Variants in TTLL5 observed in about 807,000 individuals in gnomAD.
TTLL5 encodes the protein tubulin polyglutamylase TTLL5.
In TTLL5, 132 loss-of-function variants were observed where a neutral mutation model predicts 168.4. That is an observed-to-expected ratio of 0.78 (90% CI 0.68 to 0.91). The LOEUF is 0.91. TTLL5 is among the 40% of genes least tolerant of loss of function. TTLL5 has a pLI of 0.00. For synonymous variants in TTLL5, 546 were observed against 558.6 expected (o/e 0.98, Z 0.32); for missense variants, 1,545 against 1,581.5 (o/e 0.98, Z 0.39).
chr14:75,936,044 G>A (rs1193268208), intron 31 of TTLL5, among the ~76,000 whole-genome samples: 1 of 152,068 alleles, frequency 6.6e-6, no homozygotes. Context: ...GAGTTTTCTG[G>A]TTCTCTCTCC....
At chr14:75,869,088 C>T (rs1352672359) in intron 29 of TTLL5, among the ~76,000 whole-genome samples, 3 of 144,270 alleles carry the variant, frequency 2.1e-5, no homozygotes, top group Admixed American at 7.1e-5. Context: ...ATATTGACTC[C>T]GGAACTTAAT....
At chr14:75,820,466 T>C (rs1288926843) in intron 28 of TTLL5, 1 of 234,888 alleles carries the variant, frequency 4.3e-6, no homozygotes, top group East Asian at 8.5e-5. Context: ...GCCAACTTTT[T>C]GCACTTTGTC....
chr14:75,940,120 C>T (rs2034554764), intron 31 of TTLL5, among the ~76,000 whole-genome samples: 1 of 145,524 alleles, frequency 6.9e-6, no homozygotes, highest in African/African-American at 2.6e-5. Context: ...CTCACTCTTG[C>T]CCAGGCTGGA....
intron 6 of TTLL5, among the ~76,000 whole-genome samples, chr14:75,698,883 C>T (rs938665612): frequency 6.0e-5 from 9 of 149,472 alleles, no homozygotes; most frequent in Non-Finnish European, 1.3e-4. Flanking sequence ...CCAGCCTGGT[C>T]AACAGAGCAA....
chr14:75,792,831 G>A, intron 26 of TTLL5, 85 bp from the exon 27 acceptor site: 1 of 1,252,862 alleles, frequency 8.0e-7, no homozygotes. Context: ...TAAAGTATCT[G>A]TTGACCTGAG....
chr14:75,925,959 A>T (rs1411129411), intron 31 of TTLL5, among the ~76,000 whole-genome samples: 2 of 151,628 alleles, frequency 1.3e-5, no homozygotes, highest in African/African-American at 4.9e-5. Context: ...CTGAGGCAGG[A>T]GAATCAGGCA....
chr14:75,755,490 C>T (rs1890196818), intron 18 of TTLL5, among the ~76,000 whole-genome samples: 1 of 151,956 alleles, frequency 6.6e-6, no homozygotes, highest in Non-Finnish European at 1.5e-5. Flanking sequence ...TTTGTCCTTC[C>T]TCCTCTATCC....
chr14:75,699,292 A>C, intron 7 of TTLL5, 22 bp downstream of exon 7: 1 of 1,596,138 alleles, frequency 6.3e-7, no homozygotes, highest in Non-Finnish European at 8.6e-7. Flanking sequence ...GCAGATGGCA[A>C]ACCTCTCTCC....
At chr14:75,681,838 AT>A (rs1468169315) in intron 4 of TTLL5, among the ~76,000 whole-genome samples, 5 of 151,736 alleles carry the variant, frequency 3.3e-5, no homozygotes, top group Non-Finnish European at 7.4e-5. Flanking sequence ...TTAGAAAAAA[AT>A]TTTTTCTTGC....
At chr14:75,883,502 A>G (rs2031929785) in intron 30 of TTLL5, among the ~76,000 whole-genome samples, 2 of 152,240 alleles carry the variant, frequency 1.3e-5, no homozygotes, top group Non-Finnish European at 2.9e-5. Context: ...TGGAAGAGGC[A>G]CGCATTGCCT....
At chr14:75,840,116 G>C (rs182615303) in intron 28 of TTLL5, among the ~76,000 whole-genome samples, 32 of 152,200 alleles carry the variant, frequency 2.1e-4, no homozygotes, top group Admixed American at 1.8e-3. Context: ...CTGTGCCTTT[G>C]GTGTCACATC....
chr14:75,682,401 G>A (rs771775549), intron 4 of TTLL5, among the ~76,000 whole-genome samples: 5 of 152,106 alleles, frequency 3.3e-5, no homozygotes, highest in Admixed American at 6.6e-5. Context: ...GGCTGGCACC[G>A]AGGAGGAACA....
intron 28 of TTLL5, among the ~76,000 whole-genome samples, chr14:75,857,442 A>C (rs973433607): frequency 7.3e-5 from 11 of 150,910 alleles, no homozygotes; most frequent in Non-Finnish European, 1.5e-4. Context: ...ATTGTGTTAA[A>C]GTTTTTTTAT....
chr14:75,915,666 A>C (rs1299920681), intron 31 of TTLL5, among the ~76,000 whole-genome samples: 1 of 152,238 alleles, frequency 6.6e-6, no homozygotes, highest in Non-Finnish European at 1.5e-5. Context: ...CAATAGCAAC[A>C]GCAAAAATTC....
At chr14:75,907,785 G>C (rs1311037964) in intron 31 of TTLL5, among the ~76,000 whole-genome samples, 1 of 152,204 alleles carries the variant, frequency 6.6e-6, no homozygotes, top group African/African-American at 2.4e-5. Flanking sequence ...TAAGCAGCCT[G>C]TCCAATGATG....
chr14:75,670,127 T>A (rs1429542191), intron 3 of TTLL5, among the ~76,000 whole-genome samples: 1 of 152,270 alleles, frequency 6.6e-6, no homozygotes. Context: ...TTCCATTGTA[T>A]ATGCTAATGA....
At chr14:75,898,816 GTCTCTTCCTAAGGGA>G (rs1049742840) in intron 30 of TTLL5, among the ~76,000 whole-genome samples, 82 of 152,222 alleles carry the variant, frequency 5.4e-4, no homozygotes, top group Middle Eastern at 3.4e-3. Flanking sequence ...CAAATGTGGC[GTCTCTTCCTAAGGGA>G]TCTTAAGAAT....
intron 29 of TTLL5, 124 bp downstream of exon 29, chr14:75,863,986 G>T: frequency 9.9e-7 from 1 of 1,009,368 alleles, no homozygotes; most frequent in Non-Finnish European, 1.4e-6. Flanking sequence ...TGCCATCCTG[G>T]CTTGGACAGC....
chr14:75,902,270 G>A (rs2032957521), intron 31 of TTLL5, 46 bp downstream of exon 31: 1 of 1,595,384 alleles, frequency 6.3e-7, no homozygotes, highest in Non-Finnish European at 8.6e-7. Flanking sequence ...TGACAGGGAA[G>A]GTGTTGGGCT....
Sources: allele counts gnomAD v4.1 joint callset (sites outside exome capture counted in the v4.1 genomes callset), GRCh38; gene constraint gnomAD v4.1.1; transcripts MANE v1.5; gene names NCBI Gene and HGNC (gene_info 2026-07-23, HGNC 2026-07-21).